The following TSPO variants were observed in gnomAD, a reference collection of about 807,000 sequenced individuals.
TSPO encodes benzodiazepine peripheral binding site.
A neutral mutation model predicts 13.9 loss-of-function variants in TSPO; 14 were observed. The ratio of observed to expected loss-of-function variants is 1.01; its 90% confidence interval spans 0.67 to 1.58. The LOEUF (loss-of-function observed/expected upper bound fraction) is 1.58. TSPO is among the 40% of genes most tolerant of loss of function. TSPO has a pLI of 0.00. For synonymous variants in TSPO, 114 were observed against 105.9 expected (o/e 1.08, Z -0.47); for missense variants, 232 against 229.6 (o/e 1.01, Z -0.07).
At chr22:43,159,456 G>A in intron 2 of TSPO, 36 bp downstream of exon 2, 2 of 1,420,232 alleles carry the variant, frequency 1.4e-6, no homozygotes, top group African/African-American at 1.5e-5. Context: ...GATAAGCCTG[G>A]CCCTTTGCAA....
At chr22:43,162,475 C>G (rs1931473287) in intron 3 of TSPO, among the ~76,000 whole-genome samples, 1 of 152,174 alleles carries the variant, frequency 6.6e-6, no homozygotes. Context: ...CAGCATCGCT[C>G]TCAGTGGAGG....
In TSPO at chr22:43,156,346, C is replaced by T. The variant is rs113136237; in HGVS notation, c.-29-2864C>T. ...CTGGGGACCGAGTGTGTGCCTGGCC[C>T]TGGCTGGGTGCTGGAGCCAGGTGAC... On this transcript the variant is annotated intron_variant, in intron 1 of 3. Coordinates refer to ENST00000337554, the MANE Select transcript of TSPO (RefSeq NM_000714.6). Among the ~76,000 whole-genome samples the T allele has an allele frequency of 3.9e-5, 6 of 152,304 alleles. 2 individuals carry two copies. The highest frequency in any genetic ancestry group is 1.2e-4 in the African/African-American group (5 of 41,570).
intron 1 of TSPO, among the ~76,000 whole-genome samples, chr22:43,153,726 T>A (rs917525925): frequency 6.6e-6 from 1 of 151,718 alleles, no homozygotes; most frequent in East Asian, 1.9e-4. Context: ...TAGTCTTTTT[T>A]ATTTTTTTTT....
rs989549970 is a variant in TSPO, at chr22:43,159,111, G to T, written c.-29-99G>T. On this transcript the variant is annotated intron_variant, in intron 1 of 3. Transcript: ENST00000337554. ...GCGCCTCCTGATCAGCTGACTGGTT[G>T]ATCTGTGGGTGACAGGCCTTTCGGG... 3.2e-6 allele frequency: 3 copies of T among 951,202 alleles called. No individual in the cohort carries two copies. In the South Asian group the frequency reaches 5.9e-5, roughly 19 times the overall value. 58.9% of individuals were successfully genotyped at this position (951,202 alleles called of 1,614,324 possible).
intron 3 of TSPO, among the ~76,000 whole-genome samples, chr22:43,161,509 A>AT (rs1931439115): frequency 6.6e-6 from 1 of 150,886 alleles, no homozygotes; most frequent in Admixed American, 6.6e-5. Context: ...TTTTTTTGAG[A>AT]CAGAGTCTCA....
At chr22:43,153,098 T>TCCCC (rs1191508878) in intron 1 of TSPO, among the ~76,000 whole-genome samples, 3 of 83,732 alleles carry the variant, frequency 3.6e-5, no homozygotes, top group African/African-American at 1.8e-4. Context: ...CCTTCCTTCC[T>TCCCC]TCTTTCCTTT....
At chr22:43,157,573 T>A (rs1931294179) in intron 1 of TSPO, among the ~76,000 whole-genome samples, 2 of 152,132 alleles carry the variant, frequency 1.3e-5, no homozygotes, top group Admixed American at 1.3e-4. Context: ...CTCACGCCTG[T>A]AATCCCAGCA....
chr22:43,152,940 TGGG>T (rs1459202936), intron 1 of TSPO, among the ~76,000 whole-genome samples: 3 of 143,650 alleles, frequency 2.1e-5, no homozygotes, highest in Non-Finnish European at 3.0e-5. Context: ...GTTCTCCAGC[TGGG>T]GTGAGGGGCT....
At chr22:43,157,980 G>C (rs896125443) in intron 1 of TSPO, among the ~76,000 whole-genome samples, 1 of 152,266 alleles carries the variant, frequency 6.6e-6, no homozygotes, top group South Asian at 2.1e-4. Flanking sequence ...TTTGTGGGGG[G>C]CCAGTCTTTA....
At chr22:43,162,749 T>C (rs562881933) in intron 3 of TSPO, 54 bp from the exon 4 acceptor site, 9 of 1,470,960 alleles carry the variant, frequency 6.1e-6, no homozygotes, top group South Asian at 4.1e-5. Flanking sequence ...GACAGGCACT[T>C]GGGTGAACGC....
At chr22:43,159,153 C>T (rs183593889) in intron 1 of TSPO, 57 bp from the exon 2 acceptor site, 30 of 1,329,182 alleles carry the variant, frequency 2.3e-5, no homozygotes, top group East Asian at 2.9e-5. Flanking sequence ...GGAGGAGACA[C>T]GGGCCTGACC....
At chr22:43,153,095 T>TCCCACC (rs1476223773) in intron 1 of TSPO, among the ~76,000 whole-genome samples, 11 of 65,894 alleles carry the variant, frequency 1.7e-4, no homozygotes, top group East Asian at 9.2e-4. Context: ...TTTCCTTCCT[T>TCCCACC]CCTTCTTTCC....
intron 1 of TSPO, among the ~76,000 whole-genome samples, chr22:43,154,208 C>A (rs1931180945): frequency 6.6e-6 from 1 of 152,066 alleles, no homozygotes; most frequent in Non-Finnish European, 1.5e-5. Flanking sequence ...TTTAAAAAGC[C>A]TGAAAACAAG....
chr22:43,161,295 G>C, intron 3 of TSPO, 105 bp downstream of exon 3: 1 of 1,460,336 alleles, frequency 6.8e-7, no homozygotes. Context: ...GGGGCCAGGG[G>C]AGACAAAAGG....
At chr22:43,158,263 G>A (rs1931318240) in intron 1 of TSPO, among the ~76,000 whole-genome samples, 1 of 152,138 alleles carries the variant, frequency 6.6e-6, no homozygotes, top group Admixed American at 6.5e-5. Context: ...CTGGTCAGAG[G>A]GTCCCTTTCT....
In TSPO at chr22:43,162,997, C is replaced by G; in HGVS notation, c.*6C>G. 1 of 1,580,242 alleles carries G rather than the reference C, an allele frequency of 6.3e-7. No homozygotes were observed. The highest frequency in any genetic ancestry group is 8.6e-7 in the Non-Finnish European group (1 of 1,163,806). ...GACGGCGGCTGCCAGAGTGAGTGCC[C>G]GGCCCACCAGGGACTGCAGCTGCAC... On this transcript the variant is annotated 3_prime_UTR_variant, in exon 4 of 4. Coordinates refer to ENST00000337554, the MANE Select transcript of TSPO (RefSeq NM_000714.6).
chr22:43,155,061 C>CGG (rs1276549990), intron 1 of TSPO, among the ~76,000 whole-genome samples: 7 of 152,198 alleles, frequency 4.6e-5, no homozygotes, highest in African/African-American at 1.7e-4. Context: ...GGTGACACAA[C>CGG]TCCTGGCAAG....
Position 43,161,204 on chromosome 22 carries a change from C to T in TSPO, c.321+14C>T, listed in dbSNP as rs765853866. ...CAAATGGGCTGGGTAAGTGTGGCCA[C>T]AGCATGTGTCCCTGATCCCTGGATC... is the stretch of plus-strand genomic sequence containing the variant. On this transcript the variant is annotated intron_variant, in intron 3 of 3. Coordinates refer to ENST00000337554, the MANE Select transcript of TSPO (RefSeq NM_000714.6). 17 of 1,607,796 alleles carry T rather than the reference C, an allele frequency of 1.1e-5. No homozygotes were observed. The highest frequency in any genetic ancestry group is 1.4e-5 in the Non-Finnish European group (17 of 1,176,006).
At chr22:43,157,986 C>A (rs1931308547) in intron 1 of TSPO, among the ~76,000 whole-genome samples, 1 of 152,206 alleles carries the variant, frequency 6.6e-6, no homozygotes, top group African/African-American at 2.4e-5. Context: ...GGGGGCCAGT[C>A]TTTAATAGTC....
Sources: allele counts gnomAD v4.1 joint callset (sites outside exome capture counted in the v4.1 genomes callset), GRCh38; gene constraint gnomAD v4.1.1; transcripts MANE v1.5; gene names NCBI Gene and HGNC (gene_info 2026-07-23, HGNC 2026-07-21).